The following CCSER1 variants were observed in gnomAD, a reference collection of about 807,000 sequenced individuals.
CCSER1 encodes serine-rich coiled-coil domain-containing protein 1.
A neutral mutation model predicts 82.0 loss-of-function variants in CCSER1; 41 were observed. That is an observed-to-expected ratio of 0.50 (90% CI 0.39 to 0.65). The LOEUF (loss-of-function observed/expected upper bound fraction) is 0.65, where lower values mean the gene tolerates loss of function less well. Ranked by LOEUF, CCSER1 falls within the 30% of genes least tolerant of loss-of-function variation. The pLI, the probability that CCSER1 is intolerant of heterozygous loss-of-function variation, is 0.00. For synonymous variants in CCSER1, 414 were observed against 383.9 expected, an observed-to-expected ratio of 1.08 and a Z score of -0.92; for missense variants, 1,119 against 1,064.2, an observed-to-expected ratio of 1.05 and a Z score of -0.72.
chr4:90,667,904 A>C (rs1194566700), intron 6 of CCSER1, among the ~76,000 whole-genome samples: 1 of 152,172 alleles, frequency 6.6e-6, no homozygotes, highest in Non-Finnish European at 1.5e-5. Context: ...TTTAGACTGA[A>C]AATCTATGCT....
chr4:90,624,893 T>C (rs1008695327), intron 5 of CCSER1, among the ~76,000 whole-genome samples: 1 of 152,224 alleles, frequency 6.6e-6, no homozygotes, highest in African/African-American at 2.4e-5. Flanking sequence ...ACAGAGAGGA[T>C]GAACTGTATA....
intron 10 of CCSER1, among the ~76,000 whole-genome samples, chr4:91,132,194 A>G (rs754198718): frequency 6.6e-6 from 1 of 152,102 alleles, no homozygotes; most frequent in African/African-American, 2.4e-5. Context: ...TTGTTCTATT[A>G]AAGAAATGAG....
At chr4:90,695,512 T>C (rs1404283714) in intron 6 of CCSER1, among the ~76,000 whole-genome samples, 2 of 151,996 alleles carry the variant, frequency 1.3e-5, no homozygotes, top group Non-Finnish European at 2.9e-5. Flanking sequence ...GGAAGTATCA[T>C]AGAATGTCAG....
chr4:91,180,699 G>C (rs116064899), intron 10 of CCSER1, among the ~76,000 whole-genome samples: 1 of 152,080 alleles, frequency 6.6e-6, no homozygotes. Context: ...GAGGAGCTCA[G>C]TCAGGGAGAC....
chr4:90,386,359 CAATTGA>C (rs1479234597), intron 3 of CCSER1, among the ~76,000 whole-genome samples: 3 of 152,058 alleles, frequency 2.0e-5, no homozygotes, highest in Non-Finnish European at 4.4e-5. Flanking sequence ...TATCTATAAG[CAATTGA>C]TCTTCTACAA....
intron 4 of CCSER1, 128 bp downstream of exon 4, chr4:90,400,257 A>G: frequency 2.4e-6 from 1 of 424,118 alleles, no homozygotes; most frequent in Non-Finnish European, 4.2e-6. Context: ...TCTATATGCA[A>G]AGAACATGCT....
intron 7 of CCSER1, among the ~76,000 whole-genome samples, chr4:90,802,520 G>A (rs1022897371): frequency 4.0e-5 from 6 of 151,632 alleles, no homozygotes; most frequent in Non-Finnish European, 5.9e-5. Flanking sequence ...GATCTACAAT[G>A]AATTTTTAGT....
intron 1 of CCSER1, among the ~76,000 whole-genome samples, chr4:90,271,826 T>TTTTATATATATATATATA (rs1726336412): frequency 2.3e-5 from 1 of 42,880 alleles, no homozygotes; most frequent in Non-Finnish European, 4.2e-5. Context: ...ACTGGACAAT[T>TTTTATATATATATATATA]TATATATATA....
At position 91,013,380 on chromosome 4, in the gene CCSER1, T is replaced by A. The variant is rs376962073; in HGVS notation, c.2173-72570T>A. On this transcript the variant is annotated intron_variant, in intron 9 of 10. Transcript: ENST00000509176. ...TTGTTGAAGATCATTTGACTATATA[T>A]GCATAAGTCTATTTCAACCTTCCCT... Among the ~76,000 whole-genome samples the A allele has an allele frequency of 9.0e-5, 12 of 133,478 alleles. 2 individuals are homozygous for A. The allele number at this position is 133,478 out of a possible 152,430, so 87.6% of individuals were successfully genotyped here.
At chr4:91,408,076 A>T (rs1417315721) in intron 10 of CCSER1, among the ~76,000 whole-genome samples, 1 of 152,178 alleles carries the variant, frequency 6.6e-6, no homozygotes, top group Non-Finnish European at 1.5e-5. Context: ...AGTGAGTACT[A>T]ATCCTTTAGC....
intron 6 of CCSER1, among the ~76,000 whole-genome samples, chr4:90,630,220 C>G (rs1328591524): frequency 1.3e-5 from 2 of 152,116 alleles, no homozygotes; most frequent in African/African-American, 4.8e-5. Flanking sequence ...AACATGCAAC[C>G]TGATCCTCTT....
chr4:90,795,260 A>T (rs921716712), intron 7 of CCSER1, among the ~76,000 whole-genome samples: 1 of 149,704 alleles, frequency 6.7e-6, no homozygotes, highest in African/African-American at 2.5e-5. Context: ...GCACTGCAGC[A>T]TGGGCAACAA....
chr4:90,718,253 T>A (rs1275213141), intron 6 of CCSER1, among the ~76,000 whole-genome samples: 1 of 152,098 alleles, frequency 6.6e-6, no homozygotes, highest in Admixed American at 6.6e-5. Flanking sequence ...GAATTTACCC[T>A]AATGGCTTAA....
At chr4:91,302,981 C>T (rs1236209386) in intron 10 of CCSER1, among the ~76,000 whole-genome samples, 4 of 152,048 alleles carry the variant, frequency 2.6e-5, no homozygotes, top group South Asian at 2.1e-4. Flanking sequence ...TACTCATCAC[C>T]GTATATTCAA....
intron 10 of CCSER1, among the ~76,000 whole-genome samples, chr4:91,407,573 G>C (rs142656640): frequency 3.3e-5 from 5 of 152,224 alleles, no homozygotes; most frequent in Admixed American, 2.6e-4. Context: ...AGGTTTATTT[G>C]GCTCACAGTT....
At chr4:91,271,606 A>G (rs1581880489) in intron 10 of CCSER1, among the ~76,000 whole-genome samples, 1 of 152,090 alleles carries the variant, frequency 6.6e-6, no homozygotes, top group Non-Finnish European at 1.5e-5. Flanking sequence ...GCCATTTACT[A>G]ATTCCCTTTT....
At chr4:91,479,194 A>T (rs916038891) in intron 10 of CCSER1, among the ~76,000 whole-genome samples, 3 of 151,642 alleles carry the variant, frequency 2.0e-5, no homozygotes, top group Non-Finnish European at 1.5e-5. Flanking sequence ...TTTAGAATAA[A>T]ATTAACTTTT....
At chr4:91,416,858 T>C (rs1029822390) in intron 10 of CCSER1, among the ~76,000 whole-genome samples, 11 of 152,138 alleles carry the variant, frequency 7.2e-5, no homozygotes, top group African/African-American at 2.7e-4. Flanking sequence ...ACAAATAGGA[T>C]CTACTTAAAC....
chr4:91,145,986 G>A (rs1291966413), intron 10 of CCSER1, among the ~76,000 whole-genome samples: 1 of 151,986 alleles, frequency 6.6e-6, no homozygotes, highest in East Asian at 1.9e-4. Flanking sequence ...TCTTGAATTT[G>A]CATGCTATCC....
Sources: allele counts gnomAD v4.1 joint callset (sites outside exome capture counted in the v4.1 genomes callset), GRCh38; gene constraint gnomAD v4.1.1; transcripts MANE v1.5; gene names NCBI Gene and HGNC (gene_info 2026-07-23, HGNC 2026-07-21).